The following MCTP1 variants were observed in gnomAD, a reference collection of about 807,000 sequenced individuals.
The protein encoded by MCTP1 is multiple C2 and transmembrane domain-containing protein 1.
In MCTP1, 69 loss-of-function variants were observed where a neutral mutation model predicts 120.6. The observed-to-expected ratio is 0.57, with a 90% CI of 0.47 to 0.70. MCTP1 has a LOEUF of 0.70. Among genes scored for constraint, MCTP1 ranks in the 30% least tolerant of loss-of-function variants. The pLI, the probability that MCTP1 is intolerant of heterozygous loss-of-function variation, is 0.00. For missense variants in MCTP1, 1,203 were observed against 1,248.8 expected, an observed-to-expected ratio of 0.96 and a Z score of 0.55; for synonymous variants, 529 against 493.1, an observed-to-expected ratio of 1.07 and a Z score of -0.96.
At chr5:94,942,574 G>A (rs1817988740) in intron 3 of MCTP1, 147 bp from the exon 4 acceptor site, 1 of 514,166 alleles carries the variant, frequency 1.9e-6, no homozygotes, top group African/African-American at 2.0e-5. Context: ...TTGTACTTTG[G>A]AATATTAGAG....
intron 1 of MCTP1, among the ~76,000 whole-genome samples, chr5:95,165,520 G>A (rs952488701): frequency 6.6e-6 from 1 of 152,176 alleles, no homozygotes; most frequent in African/African-American, 2.4e-5. Context: ...TAATAGGTGT[G>A]AATTGCTTTG....
At chr5:94,733,687 G>A (rs114313304) in intron 19 of MCTP1, among the ~76,000 whole-genome samples, 1,885 of 152,058 alleles carry the variant, frequency 0.012, 40 homozygotes, top group African/African-American at 0.044. Flanking sequence ...CAGTATGGCC[G>A]GGCACCAGTG....
At chr5:95,127,473 G>T (rs1213054010) in intron 1 of MCTP1, among the ~76,000 whole-genome samples, 1 of 152,064 alleles carries the variant, frequency 6.6e-6, no homozygotes. Context: ...GGGAGCCCTG[G>T]GCAGGTTCAG....
intron 1 of MCTP1, among the ~76,000 whole-genome samples, chr5:95,039,248 T>A (rs368568933): frequency 6.6e-6 from 1 of 152,212 alleles, no homozygotes; most frequent in African/African-American, 2.4e-5. Context: ...TAGTATCTAA[T>A]TGAGACTTTA....
intron 2 of MCTP1, among the ~76,000 whole-genome samples, chr5:94,961,167 C>G (rs966138496): frequency 6.7e-6 from 1 of 150,140 alleles, no homozygotes; most frequent in African/African-American, 2.5e-5. Flanking sequence ...CAAGCTAACA[C>G]AGGAACAGAA....
At chr5:94,906,652 T>TA (rs1227118464) in intron 10 of MCTP1, among the ~76,000 whole-genome samples, 1 of 152,168 alleles carries the variant, frequency 6.6e-6, no homozygotes, top group Non-Finnish European at 1.5e-5. Context: ...AAATATATTT[T>TA]AAAAAATCAT....
intron 1 of MCTP1, among the ~76,000 whole-genome samples, chr5:95,204,862 G>A (rs916851457): frequency 7.2e-5 from 11 of 151,928 alleles, no homozygotes; most frequent in African/African-American, 2.2e-4. Context: ...AAATTATGAA[G>A]ATAAATAGAA....
chr5:94,851,226 C>T (rs895262559), intron 17 of MCTP1, among the ~76,000 whole-genome samples: 2 of 151,976 alleles, frequency 1.3e-5, no homozygotes, highest in African/African-American at 4.8e-5. Context: ...ATGCATTTTC[C>T]CTTCAATTAT....
intron 19 of MCTP1, among the ~76,000 whole-genome samples, chr5:94,742,844 A>C (rs1019451269): frequency 2.6e-5 from 4 of 152,330 alleles, no homozygotes; most frequent in African/African-American, 9.6e-5. Flanking sequence ...TACTTCAGGC[A>C]ATAATTCACT....
intron 17 of MCTP1, among the ~76,000 whole-genome samples, chr5:94,854,862 T>C (rs1247271555): frequency 6.6e-6 from 1 of 151,884 alleles, no homozygotes; most frequent in Non-Finnish European, 1.5e-5. Flanking sequence ...TCTATAAAAG[T>C]GAAACAAATC....
At chr5:94,896,966 T>A (rs1804163698) in intron 10 of MCTP1, among the ~76,000 whole-genome samples, 1 of 152,148 alleles carries the variant, frequency 6.6e-6, no homozygotes, top group South Asian at 2.1e-4. Context: ...TCTAGGCTTT[T>A]CTCCACCACT....
At chr5:94,960,873 A>T (rs930177292) in intron 2 of MCTP1, among the ~76,000 whole-genome samples, 4 of 152,206 alleles carry the variant, frequency 2.6e-5, no homozygotes, top group Non-Finnish European at 2.9e-5. Context: ...GCAATTCCTC[A>T]AGAATCTAGA....
At chr5:95,104,329 A>T (rs1350737744) in intron 1 of MCTP1, among the ~76,000 whole-genome samples, 2 of 151,598 alleles carry the variant, frequency 1.3e-5, no homozygotes, top group Non-Finnish European at 2.9e-5. Context: ...TCATTTTCCT[A>T]AGTTTGAGGT....
chr5:95,284,501 C>G lies in MCTP1; in HGVS notation c.75G>C (p.Trp25Cys). ...AASSSFQARL[W>C]KNLQLGVGRS... ...TGCCCACCCCCAGCTGCAGGTTCTT[C>G]CAGAGCCGGGCCTGGAAGGAGGAGG... Residue 25 changes from tryptophan (W) to cysteine (C), a missense_variant, in exon 1 of 23, where the codon TGG (tryptophan) becomes TGC (cysteine). Trp to Cys is a radical substitution (Grantham distance 215, BLOSUM62 -2). Around this residue, in one of 2 missense-constraint regions of MCTP1, gnomAD observed 463 missense variants for 377.8 expected, o/e 1.23. Coordinates refer to ENST00000515393, the MANE Select transcript of MCTP1 (RefSeq NM_024717.7). This position sits in a 1 kb window ranked among gnomAD's most constrained non-coding sequence, Gnocchi z 5.2. 1 of 1,507,016 alleles carries G rather than the reference C, an allele frequency of 6.6e-7. No individual in the cohort carries two copies. Among genetic ancestry groups the G allele is most frequent in the South Asian group, 1.2e-5 (1 of 81,182 alleles). 93.4% of individuals were successfully genotyped at this position (1,507,016 alleles called of 1,614,324 possible).
At chr5:95,060,842 C>T (rs886789042) in intron 1 of MCTP1, among the ~76,000 whole-genome samples, 1 of 151,098 alleles carries the variant, frequency 6.6e-6, no homozygotes, top group African/African-American at 2.4e-5. Context: ...CGTGGTGGTG[C>T]ACACCTGTAA....
intron 1 of MCTP1, among the ~76,000 whole-genome samples, chr5:95,207,914 A>C (rs1252778639): frequency 6.8e-6 from 1 of 147,236 alleles, no homozygotes; most frequent in Non-Finnish European, 1.5e-5. Flanking sequence ...AAAATGAAAA[A>C]AAGAATGAGC....
chr5:94,865,579 A>G (rs916498348), intron 17 of MCTP1, among the ~76,000 whole-genome samples: 5 of 151,860 alleles, frequency 3.3e-5, no homozygotes, highest in Non-Finnish European at 7.4e-5. Context: ...CCTAATGGAA[A>G]GCTGTTCTTT....
intron 1 of MCTP1, among the ~76,000 whole-genome samples, chr5:95,139,182 C>T (rs1286294406): frequency 6.6e-6 from 1 of 152,078 alleles, no homozygotes; most frequent in Non-Finnish European, 1.5e-5. Flanking sequence ...AAAATAAAAA[C>T]TCTAAGCATA....
At chr5:94,940,993 GT>G (rs1391778636) in intron 4 of MCTP1, among the ~76,000 whole-genome samples, 2 of 151,906 alleles carry the variant, frequency 1.3e-5, no homozygotes, top group African/African-American at 4.8e-5. Context: ...GGAATTGCTA[GT>G]AAAATACATA....
Sources: allele counts gnomAD v4.1 joint callset (sites outside exome capture counted in the v4.1 genomes callset), GRCh38; gene constraint gnomAD v4.1.1; regional missense constraint gnomAD v4.1.1; non-coding constraint Gnocchi (gnomAD v3.1); transcripts MANE v1.5; gene names NCBI Gene and HGNC (gene_info 2026-07-23, HGNC 2026-07-21).